GUCY2C: variants seen among roughly 807,000 people sequenced by gnomAD.
GUCY2C encodes guanylate cyclase 2C.
GUCY2C carries 118 observed loss-of-function variants against 131.1 expected under a neutral mutation model. The observed-to-expected ratio is 0.90, with a 90% CI of 0.78 to 1.05. GUCY2C has a LOEUF of 1.05. GUCY2C is among the 50% of genes least tolerant of loss of function. The pLI is 0.00. For synonymous variants in GUCY2C, 452 were observed against 457.8 expected (o/e 0.99, Z 0.16); for missense variants, 1,161 against 1,304.4 (o/e 0.89, Z 1.69).
At chr12:14,621,952 A>G (rs1053750443) in intron 22 of GUCY2C, 53 bp downstream of exon 22, 2 of 1,270,454 alleles carry the variant, frequency 1.6e-6, no homozygotes, top group African/African-American at 3.1e-5. Context: ...TCAGGCTCTG[A>G]TGACCTTGAG....
At chr12:14,657,876 A>T (rs1430891503) in intron 11 of GUCY2C, among the ~76,000 whole-genome samples, 1 of 152,196 alleles carries the variant, frequency 6.6e-6, no homozygotes, top group Non-Finnish European at 1.5e-5. Flanking sequence ...GACTTTGCAG[A>T]TATCACCAAA....
At chr12:14,632,194 G>A (rs1283605757) in intron 19 of GUCY2C, among the ~76,000 whole-genome samples, 1 of 151,964 alleles carries the variant, frequency 6.6e-6, no homozygotes, top group Non-Finnish European at 1.5e-5. Flanking sequence ...TCACTCTGAT[G>A]GTAGTTTCTT....
At chr12:14,661,150 G>A in intron 10 of GUCY2C, 88 bp from the exon 11 acceptor site, 1 of 827,806 alleles carries the variant, frequency 1.2e-6, no homozygotes, top group African/African-American at 1.7e-5. Flanking sequence ...ATTTGGGGAA[G>A]GGAAAAGAGA....
At chr12:14,641,057 G>A in intron 18 of GUCY2C, 25 bp downstream of exon 18, 3 of 1,610,436 alleles carry the variant, frequency 1.9e-6, no homozygotes, top group Non-Finnish European at 1.7e-6. Flanking sequence ...TCCCAGAGGG[G>A]ACACATGAAT....
chr12:14,665,081 A>G (rs1947948471), intron 10 of GUCY2C, among the ~76,000 whole-genome samples: 1 of 152,084 alleles, frequency 6.6e-6, no homozygotes, highest in Admixed American at 6.6e-5. Flanking sequence ...CCGCGGTGGC[A>G]GGTGCCTGTA....
chr12:14,681,951 C>T (rs60802309), intron 4 of GUCY2C, among the ~76,000 whole-genome samples: 4,496 of 152,218 alleles, frequency 0.03, 209 homozygotes, highest in African/African-American at 0.1. Flanking sequence ...TAATTTTCTG[C>T]TTCTGTTTAA....
intron 19 of GUCY2C, 38 bp from the exon 20 acceptor site, chr12:14,628,775 T>G (rs371242646): frequency 3.1e-5 from 30 of 954,458 alleles, no homozygotes; most frequent in Non-Finnish European, 4.8e-5. Context: ...GCTAAGGGGA[T>G]AGTAAACTAA....
chr12:14,637,233 A>G (rs1267677914), intron 19 of GUCY2C, among the ~76,000 whole-genome samples: 1 of 151,786 alleles, frequency 6.6e-6, no homozygotes. Flanking sequence ...TATATTTAAC[A>G]AAGAAGGTAA....
At chr12:14,627,035 G>A (rs759957390) in intron 20 of GUCY2C, among the ~76,000 whole-genome samples, 7 of 152,152 alleles carry the variant, frequency 4.6e-5, no homozygotes, top group Non-Finnish European at 1.0e-4. Flanking sequence ...GTCAGATCAA[G>A]GAGACTTAGT....
intron 10 of GUCY2C, among the ~76,000 whole-genome samples, chr12:14,664,687 A>G (rs1173867729): frequency 6.6e-6 from 1 of 152,172 alleles, no homozygotes; most frequent in Non-Finnish European, 1.5e-5. Flanking sequence ...TTATAACCTC[A>G]AGGTCATATG....
intron 11 of GUCY2C, 81 bp downstream of exon 11, chr12:14,660,900 A>G (rs916318848): frequency 4.6e-5 from 40 of 863,958 alleles, no homozygotes; most frequent in Middle Eastern, 2.2e-4. Context: ...ATTCATCATC[A>G]TCAACAGACA....
intron 3 of GUCY2C, among the ~76,000 whole-genome samples, chr12:14,684,088 G>T (rs1565635024): frequency 1.3e-5 from 2 of 151,930 alleles, no homozygotes; most frequent in Admixed American, 6.6e-5. Context: ...ATACACTGTG[G>T]TCAATCATTC....
chr12:14,682,967 T>C, intron 4 of GUCY2C, 75 bp downstream of exon 4: 1 of 936,862 alleles, frequency 1.1e-6, no homozygotes, highest in Admixed American at 1.8e-5. Flanking sequence ...CATCTGGTAA[T>C]AACTAGGTGG....
At chr12:14,641,330 A>G in intron 17 of GUCY2C, 111 bp from the exon 18 acceptor site, 1 of 1,100,796 alleles carries the variant, frequency 9.1e-7, no homozygotes, top group Non-Finnish European at 1.3e-6. Context: ...AATATGGGTG[A>G]TAGCTTATAA....
chr12:14,679,107 G>T (rs779597373), intron 6 of GUCY2C, among the ~76,000 whole-genome samples: 5 of 152,220 alleles, frequency 3.3e-5, no homozygotes, highest in Non-Finnish European at 7.3e-5. Context: ...ATTAGCAACT[G>T]AAGGAGAAAA....
At chr12:14,684,625 CTTCCT>C (rs1208703286) in intron 3 of GUCY2C, among the ~76,000 whole-genome samples, 4 of 31,836 alleles carry the variant, frequency 1.3e-4, no homozygotes, top group African/African-American at 4.0e-4. Context: ...TCCTTCCTTC[CTTCCT>C]TTCCTTTCCT....
Position 14,672,871 on chromosome 12 carries a change from A to G in GUCY2C, c.1170+2T>C, listed in dbSNP as rs754955870. On this transcript the variant is annotated splice_donor_variant, in intron 9 of 26. Coordinates refer to ENST00000261170, the MANE Select transcript of GUCY2C (RefSeq NM_004963.4). LOFTEE classifies it high-confidence loss of function. ...AATTTTCTGATAAGCAGTGAGACAT[A>G]CTTTCTTGGTGTCCACAGAGGTATA... 3 of 1,564,508 alleles carry G rather than the reference A, an allele frequency of 1.9e-6. No homozygotes were observed. The highest frequency in any genetic ancestry group is 2.6e-6 in the Non-Finnish European group (3 of 1,135,200).
In GUCY2C at chr12:14,625,615, G is replaced by A. The variant is rs1215176350; in HGVS notation, c.2408+142C>T. The A allele has an allele frequency of 6.3e-6, 5 of 788,284 alleles. No individual in the cohort carries two copies. In the Admixed American group the frequency reaches 1.2e-4, roughly 19 times the overall value. The allele number at this position is 788,284 out of a possible 1,614,324, so 48.8% of individuals were successfully genotyped here. A position where few individuals can be genotyped will look rare whatever the true frequency, so the allele number is the denominator to read the frequency against. On this transcript the variant is annotated intron_variant, in intron 21 of 26. Coordinates refer to ENST00000261170, the MANE Select transcript of GUCY2C (RefSeq NM_004963.4). ...CTCAAAGTGCTAGGATTACAGGCGT[G>A]AGCCTCCGTGCCTGGCAGTACGTGC...
chr12:14,625,090 ACCAC>A (rs985244644), intron 21 of GUCY2C, among the ~76,000 whole-genome samples: 3 of 152,176 alleles, frequency 2.0e-5, no homozygotes, highest in African/African-American at 4.8e-5. Flanking sequence ...GTTGCAAGAC[ACCAC>A]TTGCCAAATG....
Sources: gnomAD v4.1 joint callset for allele counts (sites outside exome capture counted in the v4.1 genomes callset) on GRCh38, gnomAD v4.1.1 for gene constraint, MANE v1.5 for transcripts, NCBI Gene and HGNC (gene_info 2026-07-23, HGNC 2026-07-21) for gene names.